Variants in SDK1 observed in about 807,000 individuals in gnomAD.
SDK1 encodes the protein protein sidekick-1.
A neutral mutation model predicts 245.5 loss-of-function variants in SDK1; 157 were observed. The ratio of observed to expected loss-of-function variants is 0.64; its 90% CI spans 0.56 to 0.73. SDK1 has a LOEUF of 0.73. Among genes scored for constraint, SDK1 ranks in the 30% least tolerant of loss-of-function variants. The probability of loss-of-function intolerance (pLI) is 0.00; values close to 1 mark genes in which losing one functional copy is unlikely to be tolerated. For missense variants in SDK1, 3,583 were observed against 3,002.3 expected (o/e 1.19, Z -4.52); for synonymous variants, 1,647 against 1,278.5 (o/e 1.29, Z -6.15).
intron 1 of SDK1, among the ~76,000 whole-genome samples, chr7:3,521,454 G>A (rs930337163): frequency 6.6e-6 from 1 of 152,138 alleles, no homozygotes; most frequent in Non-Finnish European, 1.5e-5. Flanking sequence ...CTTTCTATCT[G>A]TTTAGCACTA....
At chr7:3,805,035 C>G (rs1267242215) in intron 4 of SDK1, among the ~76,000 whole-genome samples, 1 of 151,452 alleles carries the variant, frequency 6.6e-6, no homozygotes, top group Non-Finnish European at 1.5e-5. Context: ...GTTCTTACCA[C>G]AAAAAGAAAA....
chr7:3,362,460 C>G (rs1317590878), intron 1 of SDK1, among the ~76,000 whole-genome samples: 1 of 152,042 alleles, frequency 6.6e-6, no homozygotes, highest in African/African-American at 2.4e-5. Context: ...TTTTGCAGCA[C>G]CAAACTCATA....
chr7:3,646,194 G>C (rs1384423492), intron 4 of SDK1, among the ~76,000 whole-genome samples: 1 of 152,072 alleles, frequency 6.6e-6, no homozygotes, highest in Admixed American at 6.6e-5. Flanking sequence ...TGTGAGTTTG[G>C]TTCCCTAATA....
At chr7:3,336,849 C>G (rs1052199219) in intron 1 of SDK1, among the ~76,000 whole-genome samples, 3 of 152,194 alleles carry the variant, frequency 2.0e-5, no homozygotes, top group Non-Finnish European at 4.4e-5. Context: ...TGTGAGTCAT[C>G]ACCCCACTTT....
At chr7:4,134,825 G>A (rs1392300051) in intron 28 of SDK1, 1 of 152,412 alleles carries the variant, frequency 6.6e-6, no homozygotes, top group Non-Finnish European at 1.5e-5. Flanking sequence ...CTTCATCTGT[G>A]CTTCTCTCTT....
chr7:3,648,094 A>G (rs1730221704), intron 4 of SDK1, among the ~76,000 whole-genome samples: 6 of 152,212 alleles, frequency 3.9e-5, no homozygotes, highest in Non-Finnish European at 1.5e-5. Context: ...ATCAAAGATG[A>G]GCTTAGCTTT....
chr7:4,222,604 A>T (rs1195264609), intron 40 of SDK1, among the ~76,000 whole-genome samples: 1 of 152,210 alleles, frequency 6.6e-6, no homozygotes, highest in African/African-American at 2.4e-5. Flanking sequence ...CGCCTTCTAG[A>T]AACTTCTAAG....
intron 1 of SDK1, among the ~76,000 whole-genome samples, chr7:3,589,004 G>C (rs1482059507): frequency 1.3e-5 from 2 of 152,156 alleles, no homozygotes; most frequent in Non-Finnish European, 2.9e-5. Flanking sequence ...ATCAGATGTG[G>C]GGACAGGAGA....
rs777199429 is a variant in SDK1 at position 4,012,549 on chromosome 7, C to CTTTTTTTTTTTTTTTTTTTTTTTTT, written c.2420+333_2420+357dup. 3.8e-4 allele frequency among the ~76,000 whole-genome samples: 10 copies of CTTTTTTTTTTTTTTTTTTTTTTTTT among 25,988 alleles called. 3 individuals are homozygous for CTTTTTTTTTTTTTTTTTTTTTTTTT. Among genetic ancestry groups the CTTTTTTTTTTTTTTTTTTTTTTTTT allele is most frequent in the East Asian group, 2.4e-3 (2 of 832 alleles). The allele number at this position is 25,988 out of a possible 152,430, so 17.0% of individuals were successfully genotyped here. On this transcript the variant is annotated intron_variant, in intron 16 of 44. Transcript: ENST00000404826. ...GCAAGGTATATTGTTCAATGTGAAGCTTTTTTTTTTTTTTTTTTTTTTTTT... is the reference window on the plus strand; with the variant it reads ...GCAAGGTATATTGTTCAATGTGAAGCTTTTTTTTTTTTTTTTTTTTTTTTTTTTTTTTTTTTTTTTTTTTTTTTTT...
intron 19 of SDK1, among the ~76,000 whole-genome samples, chr7:4,063,484 C>T (rs971525902): frequency 4.0e-5 from 6 of 151,784 alleles, no homozygotes; most frequent in Admixed American, 3.3e-4. Flanking sequence ...AAAGACATCC[C>T]ATGCTCATGG....
At chr7:4,082,809 C>T (rs966791377) in intron 22 of SDK1, among the ~76,000 whole-genome samples, 1 of 151,966 alleles carries the variant, frequency 6.6e-6, no homozygotes, top group African/African-American at 2.4e-5. Context: ...TTGGTAGAGA[C>T]AGGGTTTTGC....
intron 42 of SDK1, among the ~76,000 whole-genome samples, chr7:4,241,193 G>A (rs972449726): frequency 1.3e-5 from 2 of 152,180 alleles, no homozygotes; most frequent in African/African-American, 2.4e-5. Context: ...GTTCTAGAAC[G>A]TTCGTGTCAC....
intron 1 of SDK1, among the ~76,000 whole-genome samples, chr7:3,342,421 T>A (rs1490911555): frequency 6.6e-6 from 1 of 151,884 alleles, no homozygotes; most frequent in South Asian, 2.1e-4. Context: ...AAACACCGTC[T>A]CTACTAAAAA....
intron 32 of SDK1, among the ~76,000 whole-genome samples, chr7:4,169,298 C>A (rs1317995781): frequency 6.6e-5 from 10 of 152,210 alleles, no homozygotes; most frequent in Non-Finnish European, 1.5e-5. Flanking sequence ...GGGGAATGAC[C>A]CGGCACTTGG....
intron 14 of SDK1, among the ~76,000 whole-genome samples, chr7:3,990,631 T>G (rs1291385025): frequency 6.6e-6 from 1 of 152,208 alleles, no homozygotes; most frequent in East Asian, 1.9e-4. Context: ...ACAGCCCCCA[T>G]CAGGCGCTGT....
intron 12 of SDK1, among the ~76,000 whole-genome samples, chr7:3,972,343 T>C (rs1253896995): frequency 6.6e-6 from 1 of 152,142 alleles, no homozygotes; most frequent in African/African-American, 2.4e-5. Flanking sequence ...CCTCCCAAAG[T>C]GCTGGGATTC....
At chr7:3,797,408 A>G (rs1778987908) in intron 4 of SDK1, among the ~76,000 whole-genome samples, 1 of 151,280 alleles carries the variant, frequency 6.6e-6, no homozygotes, top group Non-Finnish European at 1.5e-5. Flanking sequence ...ATTTTTCTGT[A>G]TAGTCATTTA....
intron 1 of SDK1, among the ~76,000 whole-genome samples, chr7:3,327,113 G>A (rs1005557838): frequency 7.9e-5 from 12 of 152,130 alleles, no homozygotes; most frequent in Non-Finnish European, 1.6e-4. Flanking sequence ...CAGCTGCAGC[G>A]TTTGGTCCTG....
chr7:3,497,223 C>G (rs1360256226), intron 1 of SDK1, among the ~76,000 whole-genome samples: 1 of 152,158 alleles, frequency 6.6e-6, no homozygotes, highest in African/African-American at 2.4e-5. Context: ...AATGGTTACT[C>G]TTTTATTTTT....
Sources: allele counts gnomAD v4.1 joint callset (sites outside exome capture counted in the v4.1 genomes callset), GRCh38; gene constraint gnomAD v4.1.1; transcripts MANE v1.5; gene names NCBI Gene and HGNC (gene_info 2026-07-23, HGNC 2026-07-21).